PACRG: variants seen among roughly 807,000 people sequenced by gnomAD.
The protein encoded by PACRG is parkin coregulated gene protein.
PACRG carries 29 observed loss-of-function variants against 29.7 expected under a neutral mutation model. The observed-to-expected ratio is 0.98, with a 90% CI of 0.73 to 1.33. The LOEUF (loss-of-function observed/expected upper bound fraction) is 1.33, where lower values mean the gene tolerates loss of function less well. Ranked by LOEUF, PACRG falls within the 40% of genes most tolerant of loss-of-function variation. The pLI, the probability that PACRG is intolerant of heterozygous loss-of-function variation, is 0.00. For synonymous variants in PACRG, 116 were observed against 118.7 expected (o/e 0.98, Z 0.15); for missense variants, 279 against 316.2 (o/e 0.88, Z 0.89).
chr6:163,222,434 G>T (rs1230410021), intron 4 of PACRG, among the ~76,000 whole-genome samples: 1 of 152,160 alleles, frequency 6.6e-6, no homozygotes, highest in Non-Finnish European at 1.5e-5. Flanking sequence ...ACAAAAATTA[G>T]CCAGGTGTGG....
At chr6:163,240,626 A>T (rs1374357081) in intron 4 of PACRG, among the ~76,000 whole-genome samples, 1 of 152,108 alleles carries the variant, frequency 6.6e-6, no homozygotes, top group East Asian at 1.9e-4. Context: ...ACTTTCACCC[A>T]GACCTCACGC....
intron 2 of PACRG, among the ~76,000 whole-genome samples, chr6:162,886,537 C>G (rs1341129441): frequency 6.6e-6 from 1 of 152,180 alleles, no homozygotes; most frequent in African/African-American, 2.4e-5. Flanking sequence ...CAGTGGGACT[C>G]TCATTGATGT....
intron 2 of PACRG, among the ~76,000 whole-genome samples, chr6:162,898,977 C>T (rs1331447606): frequency 6.6e-6 from 1 of 152,100 alleles, no homozygotes; most frequent in East Asian, 1.9e-4. Flanking sequence ...AATATGAACA[C>T]TTATAAACCA....
In PACRG at chr6:163,141,115, C is replaced by T. The variant is rs189520088; in HGVS notation, c.613+51707C>T. On this transcript the variant is annotated intron_variant, in intron 4 of 4. Coordinates refer to ENST00000366888, the MANE Select transcript of PACRG (RefSeq NM_001080379.2). ...CAGACGCCACAAAGACCCACTGGATCGTCAGTGGAATTATCAGCAGCCCGA... is the reference window on the plus strand; with the variant it reads ...CAGACGCCACAAAGACCCACTGGATTGTCAGTGGAATTATCAGCAGCCCGA... Among the ~76,000 whole-genome samples the T allele has an allele frequency of 3.2e-3, 488 of 152,164 alleles. 1 individual carries two copies. The highest frequency in any genetic ancestry group is 5.1e-3 in the Non-Finnish European group (344 of 68,020).
chr6:163,232,182 T>C (rs1330647802), intron 4 of PACRG, among the ~76,000 whole-genome samples: 1 of 152,166 alleles, frequency 6.6e-6, no homozygotes, highest in Non-Finnish European at 1.5e-5. Flanking sequence ...AACACAGTGA[T>C]GTTCATTCCA....
chr6:163,274,845 TTTTC>T (rs1286850760), intron 4 of PACRG, among the ~76,000 whole-genome samples: 2 of 135,710 alleles, frequency 1.5e-5, no homozygotes, highest in Non-Finnish European at 3.1e-5. Context: ...CTTCTTTTTC[TTTTC>T]TTTCTTTCTT....
chr6:163,121,607 A>G (rs1282776749), intron 4 of PACRG, among the ~76,000 whole-genome samples: 1 of 146,238 alleles, frequency 6.8e-6, no homozygotes, highest in Non-Finnish European at 1.5e-5. Context: ...TCAGAAGCTC[A>G]TTTTCCTAAG....
chr6:162,747,182 A>G (rs1464436011), intron 1 of PACRG, among the ~76,000 whole-genome samples: 3 of 151,096 alleles, frequency 2.0e-5, no homozygotes, highest in Non-Finnish European at 2.9e-5. Context: ...CGGCTAGAAT[A>G]TAAGCAGGCA....
intron 1 of PACRG, among the ~76,000 whole-genome samples, chr6:162,799,487 T>G (rs1193845007): frequency 1.3e-5 from 2 of 152,212 alleles, no homozygotes; most frequent in Non-Finnish European, 2.9e-5. Flanking sequence ...ATGTGTGTGA[T>G]ATATATTTCG....
At chr6:162,766,226 C>T (rs919641735) in intron 1 of PACRG, among the ~76,000 whole-genome samples, 2 of 152,154 alleles carry the variant, frequency 1.3e-5, no homozygotes, top group Non-Finnish European at 2.9e-5. Flanking sequence ...CTTTCCCTGC[C>T]CAGCCTCTGG....
intron 2 of PACRG, among the ~76,000 whole-genome samples, chr6:162,900,555 G>A (rs1029612150): frequency 1.3e-5 from 2 of 152,070 alleles, no homozygotes; most frequent in Admixed American, 6.6e-5. Flanking sequence ...AACTTCTTTT[G>A]GCTTCCACGG....
intron 1 of PACRG, among the ~76,000 whole-genome samples, chr6:162,784,558 G>A (rs1784319374): frequency 6.6e-6 from 1 of 152,064 alleles, no homozygotes; most frequent in Admixed American, 6.6e-5. Flanking sequence ...ATTGTTGTTT[G>A]TCATAGCAAA....
At chr6:163,048,031 G>T (rs1809582455) in intron 2 of PACRG, among the ~76,000 whole-genome samples, 1 of 152,062 alleles carries the variant, frequency 6.6e-6, no homozygotes, top group East Asian at 1.9e-4. Context: ...ATTATTTTTA[G>T]TGCATTGATT....
intron 2 of PACRG, among the ~76,000 whole-genome samples, chr6:162,963,912 A>T (rs1800830546): frequency 6.6e-6 from 1 of 152,130 alleles, no homozygotes; most frequent in Non-Finnish European, 1.5e-5. Flanking sequence ...TTCTAGCACT[A>T]TTTTAACCTA....
intron 2 of PACRG, among the ~76,000 whole-genome samples, chr6:163,001,693 T>TTGATTTCA (rs1804605924): frequency 6.6e-6 from 1 of 152,244 alleles, no homozygotes; most frequent in Admixed American, 6.5e-5. Flanking sequence ...TTGGTGGAAT[T>TTGATTTCA]TGATTTCATT....
chr6:163,183,900 G>A (rs2763996), intron 4 of PACRG, among the ~76,000 whole-genome samples: 133,878 of 152,250 alleles, frequency 0.88, 59,133 homozygotes, highest in African/African-American at 0.97. Context: ...TGCAACACTG[G>A]TTTGGTTTAA....
At chr6:163,234,941 C>T (rs1259533437) in intron 4 of PACRG, among the ~76,000 whole-genome samples, 1 of 152,040 alleles carries the variant, frequency 6.6e-6, no homozygotes, top group African/African-American at 2.4e-5. Flanking sequence ...AAAGTGGGGC[C>T]AAATGTTGGT....
At chr6:162,935,536 A>G (rs1798173343) in intron 2 of PACRG, among the ~76,000 whole-genome samples, 1 of 151,364 alleles carries the variant, frequency 6.6e-6, no homozygotes, top group South Asian at 2.1e-4. Context: ...TTCAGTTACA[A>G]GATTTTTGTT....
At chr6:163,270,483 A>G (rs1012193719) in intron 4 of PACRG, among the ~76,000 whole-genome samples, 16 of 152,094 alleles carry the variant, frequency 1.1e-4, no homozygotes, top group African/African-American at 3.4e-4. Flanking sequence ...GGATCCTCCC[A>G]TCTCAGCCTC....
Sources: allele counts gnomAD v4.1 joint callset (sites outside exome capture counted in the v4.1 genomes callset), GRCh38; gene constraint gnomAD v4.1.1; transcripts MANE v1.5; gene names NCBI Gene and HGNC (gene_info 2026-07-23, HGNC 2026-07-21).